The following FARP1 variants were observed in gnomAD, a reference collection of about 807,000 sequenced individuals.
FARP1 encodes FERM, ARHGEF and pleckstrin domain-containing protein 1.
FARP1 carries 52 observed loss-of-function variants against 128.8 expected under a neutral mutation model. That is an observed-to-expected ratio of 0.40 (90% CI 0.32 to 0.51). FARP1 has a LOEUF of 0.51. Among genes scored for constraint, FARP1 ranks in the 20% least tolerant of loss-of-function variants. FARP1 has a pLI of 0.45. For missense variants in FARP1, 1,333 were observed against 1,367.9 expected, an observed-to-expected ratio of 0.97 and a Z score of 0.40; for synonymous variants, 580 against 551.8, an observed-to-expected ratio of 1.05 and a Z score of -0.72.
At chr13:98,256,594 C>T (rs532206593) in intron 2 of FARP1, among the ~76,000 whole-genome samples, 1 of 150,556 alleles carries the variant, frequency 6.6e-6, no homozygotes, top group African/African-American at 2.4e-5. Flanking sequence ...GAGTTTCACT[C>T]TGTCACCCAG....
chr13:98,190,479 G>C (rs1879147077), intron 1 of FARP1, among the ~76,000 whole-genome samples: 1 of 152,170 alleles, frequency 6.6e-6, no homozygotes, highest in African/African-American at 2.4e-5. Flanking sequence ...GCAAAATCAA[G>C]GTTGACTGAT....
chr13:98,339,574 A>G (rs941367613), intron 2 of FARP1, among the ~76,000 whole-genome samples: 1 of 152,172 alleles, frequency 6.6e-6, no homozygotes, highest in African/African-American at 2.4e-5. Context: ...GATGTTACAT[A>G]CGGAGTTTCC....
rs545213600 is a variant in FARP1 at position 98,389,862 on chromosome 13, T to A, written c.856-95T>A. The A allele has an allele frequency of 4.8e-6, 6 of 1,257,726 alleles. No homozygotes were observed. The Admixed American group carries it at 1.0e-4, about 22-fold the overall frequency. 77.9% of individuals were successfully genotyped at this position (1,257,726 alleles called of 1,614,324 possible). ...TATAATAAAATACACAGCGAAAACT[T>A]TATCGGACAAAGCTATCTTCTGCCC... On this transcript the variant is annotated intron_variant, in intron 9 of 26. Coordinates refer to ENST00000319562, the MANE Select transcript of FARP1 (RefSeq NM_005766.4).
chr13:98,454,645 G>C lies in FARP1; in HGVS notation c.*6328G>C, dbSNP rs1893365584. The C allele has an allele frequency of 6.6e-6, 1 of 152,216 alleles. No homozygotes were observed. The highest frequency in any genetic ancestry group is 1.5e-5 in the Non-Finnish European group (1 of 68,028). 9.4% of individuals were successfully genotyped at this position (152,216 alleles called of 1,614,324 possible). On this transcript the variant is annotated 3_prime_UTR_variant, in exon 27 of 27. Coordinates refer to ENST00000319562, the MANE Select transcript of FARP1 (RefSeq NM_005766.4). Reference sequence around the variant, plus strand: ...AAGGCTCTGAAAATGCTTCAGAGGAGAGGCGGCTCTCATTTTTCCTACAGC... The same window carrying C: ...AAGGCTCTGAAAATGCTTCAGAGGACAGGCGGCTCTCATTTTTCCTACAGC...
At position 98,256,957 on chromosome 13, in the gene FARP1, A is replaced by ATATATATATG. The variant is rs1566801090; in HGVS notation, c.171+43553_171+43554insGTATATATAT. Among the ~76,000 whole-genome samples the ATATATATATG allele has an allele frequency of 4.8e-5, 4 of 83,860 alleles. 1 individual carries two copies. Among genetic ancestry groups the ATATATATATG allele is most frequent in the Non-Finnish European group, 8.6e-5 (4 of 46,614 alleles). 55.0% of individuals were successfully genotyped at this position (83,860 alleles called of 152,430 possible). On this transcript the variant is annotated intron_variant, in intron 2 of 26. Transcript: ENST00000319562. ...TCAAAGTATATATGTGGATATATATATATATATATATATATATATATATAT... is the reference window on the plus strand; with the variant it reads ...TCAAAGTATATATGTGGATATATATATATATATATGTATATATATATATATATATATATAT...
intron 19 of FARP1, among the ~76,000 whole-genome samples, chr13:98,436,455 C>T (rs1260376647): frequency 6.6e-6 from 1 of 152,210 alleles, no homozygotes; most frequent in African/African-American, 2.4e-5. Context: ...GTGGCGCCCC[C>T]ATTTCAAATG....
chr13:98,182,623 C>T lies in FARP1; in HGVS notation c.-23-30597C>T, dbSNP rs140072641. Among the ~76,000 whole-genome samples the T allele has an allele frequency of 6.3e-3, 963 of 152,266 alleles. 4 individuals are homozygous for T. Among genetic ancestry groups the T allele is most frequent in the African/African-American group, 0.017 (703 of 41,550 alleles). On this transcript the variant is annotated intron_variant, in intron 1 of 26. Coordinates refer to ENST00000319562, the MANE Select transcript of FARP1 (RefSeq NM_005766.4). ...ATTACAGGGGTAAACCCAGTGTGGCCGCATCCAGCCACATTATTTTATTTA... is the reference window on the plus strand; with the variant it reads ...ATTACAGGGGTAAACCCAGTGTGGCTGCATCCAGCCACATTATTTTATTTA...
At chr13:98,290,309 A>T (rs1207719952) in intron 2 of FARP1, among the ~76,000 whole-genome samples, 1 of 152,028 alleles carries the variant, frequency 6.6e-6, no homozygotes, top group African/African-American at 2.4e-5. Flanking sequence ...ACATGTTCAT[A>T]TTTTATAAAA....
At chr13:98,182,163 G>A (rs1483674911) in intron 1 of FARP1, among the ~76,000 whole-genome samples, 5 of 152,012 alleles carry the variant, frequency 3.3e-5, no homozygotes, top group Admixed American at 6.5e-5. Flanking sequence ...ACAGTGTGAA[G>A]GATTGTAACA....
chr13:98,179,944 C>T (rs796864194), intron 1 of FARP1, among the ~76,000 whole-genome samples: 8 of 152,226 alleles, frequency 5.3e-5, no homozygotes, highest in African/African-American at 1.4e-4. Context: ...TGGTTGTTCC[C>T]GGGCCCTTTG....
At chr13:98,165,706 A>AG (rs1446164703) in intron 1 of FARP1, among the ~76,000 whole-genome samples, 3 of 111,122 alleles carry the variant, frequency 2.7e-5, no homozygotes, top group South Asian at 3.2e-4. Context: ...CCCTTCCAGA[A>AG]GGGGTTTTTT....
At chr13:98,427,828 C>G (rs2139029350) in intron 17 of FARP1, among the ~76,000 whole-genome samples, 1 of 152,318 alleles carries the variant, frequency 6.6e-6, no homozygotes, top group Non-Finnish European at 1.5e-5. Flanking sequence ...TAGCATGGAG[C>G]TCTGTGCAAG....
intron 13 of FARP1, chr13:98,398,684 T>C (rs1890647691): frequency 6.6e-6 from 1 of 152,318 alleles, no homozygotes; most frequent in South Asian, 2.1e-4. Flanking sequence ...TATAACACAT[T>C]TTTGCATAAT....
intron 13 of FARP1, chr13:98,401,415 A>AACACACACACACAGACACACACACAC (rs1890758666): frequency 1.5e-5 from 2 of 130,862 alleles, no homozygotes; most frequent in Non-Finnish European, 3.2e-5. Context: ...ATAATGACAA[A>AACACACACACACAGACACACACACAC]ACACACACAC....
At position 98,402,989 on chromosome 13, in the gene FARP1, C is replaced by G. The variant is rs143402688; in HGVS notation, c.1415-6349C>G. ...TATGCAGTGTCTTGTCAGCATGTAC[C>G]TATCTAGGAGAAAACGCTTTGTTTT... On this transcript the variant is annotated intron_variant, in intron 13 of 26. Transcript: ENST00000319562. The G allele has an allele frequency of 3.9e-5, 6 of 152,112 alleles. No individual in the cohort carries two copies. In the East Asian group the frequency reaches 7.7e-4, roughly 20 times the overall value. 9.4% of individuals were successfully genotyped at this position (152,112 alleles called of 1,614,324 possible). A position where few individuals can be genotyped will look rare whatever the true frequency, so the allele number is the denominator to read the frequency against.
At chr13:98,423,618 A>G (rs1891673139) in intron 16 of FARP1, among the ~76,000 whole-genome samples, 1 of 152,210 alleles carries the variant, frequency 6.6e-6, no homozygotes, top group African/African-American at 2.4e-5. Context: ...CTGGGAAACT[A>G]GAGCTGGCTC....
intron 2 of FARP1, among the ~76,000 whole-genome samples, chr13:98,287,465 G>A (rs564465117): frequency 6.4e-4 from 97 of 151,720 alleles, no homozygotes; most frequent in Non-Finnish European, 1.0e-3. Context: ...TCCTGACCTC[G>A]TGATCCGCCC....
At chr13:98,158,185 G>A (rs932800385) in intron 1 of FARP1, among the ~76,000 whole-genome samples, 11 of 151,872 alleles carry the variant, frequency 7.2e-5, no homozygotes, top group African/African-American at 2.7e-4. Flanking sequence ...TATTGCTTTT[G>A]TAATTACCAA....
intron 24 of FARP1, among the ~76,000 whole-genome samples, chr13:98,442,005 G>C (rs1205052857): frequency 6.6e-6 from 1 of 152,220 alleles, no homozygotes; most frequent in Non-Finnish European, 1.5e-5. Context: ...GTGAAGGTGT[G>C]AAACAGGAAA....
Sources: gnomAD v4.1 joint callset for allele counts (sites outside exome capture counted in the v4.1 genomes callset) on GRCh38, gnomAD v4.1.1 for gene constraint, MANE v1.5 for transcripts, NCBI Gene and HGNC (gene_info 2026-07-23, HGNC 2026-07-21) for gene names.